Variants in PLXNA2 observed in about 807,000 individuals in gnomAD.
PLXNA2 encodes plexin-A2.
In PLXNA2, 91 loss-of-function variants were observed where a neutral mutation model predicts 193.5. The observed-to-expected ratio is 0.47, with a 90% confidence interval of 0.40 to 0.56. The LOEUF (loss-of-function observed/expected upper bound fraction) is 0.56. Among genes scored for constraint, PLXNA2 ranks in the 20% least tolerant of loss-of-function variants. The pLI is 0.00. For synonymous variants in PLXNA2, 997 were observed against 1,027.3 expected (o/e 0.97, Z 0.56); for missense variants, 1,995 against 2,503.2 (o/e 0.80, Z 4.33).
At chr1:208,098,707 T>C (rs1666997092) in intron 6 of PLXNA2, 139 bp downstream of exon 6, 1 of 956,038 alleles carries the variant, frequency 1.0e-6, no homozygotes, top group Non-Finnish European at 1.5e-6. Flanking sequence ...TGCCATACGT[T>C]TGCTATAAAC....
At chr1:208,211,680 G>C (rs1317322230) in intron 2 of PLXNA2, among the ~76,000 whole-genome samples, 1 of 138,602 alleles carries the variant, frequency 7.2e-6, no homozygotes, top group Non-Finnish European at 1.6e-5. Flanking sequence ...GCGGCAGAAC[G>C]AGACTCCGTC....
rs1357924803 is a variant in PLXNA2, at chr1:208,042,385, G to T, written c.4018-19C>A. The T allele has an allele frequency of 1.9e-6, 3 of 1,608,612 alleles. No homozygotes were observed. The Admixed American group carries it at 5.0e-5, about 27-fold the overall frequency. On this transcript the variant is annotated intron_variant, in intron 21 of 31. Transcript: ENST00000367033. Reference sequence around the variant, plus strand: ...CTTGTACCTGGGGTGGGGTGTGGTGGAGGCGACGCCCTCAGAGGACAGGCA... The same window carrying T: ...CTTGTACCTGGGGTGGGGTGTGGTGTAGGCGACGCCCTCAGAGGACAGGCA...
intron 29 of PLXNA2, chr1:208,031,017 C>A (rs968286102): frequency 5.1e-6 from 5 of 987,614 alleles, no homozygotes; most frequent in Admixed American, 1.2e-4. Flanking sequence ...AAAGCTATGG[C>A]GCCAGGATAA....
At chr1:208,177,303 G>A (rs1669688176) in intron 3 of PLXNA2, among the ~76,000 whole-genome samples, 1 of 152,092 alleles carries the variant, frequency 6.6e-6, no homozygotes, top group East Asian at 1.9e-4. Flanking sequence ...TCACCAAGCA[G>A]AGGACTGATT....
intron 3 of PLXNA2, among the ~76,000 whole-genome samples, chr1:208,159,396 C>T (rs75714319): frequency 0.018 from 2,756 of 152,310 alleles, 92 homozygotes; most frequent in African/African-American, 0.06. Context: ...GCACACAACT[C>T]CCTCAAAATC....
Position 208,082,889 on chromosome 1 carries a change from T to G in PLXNA2, c.2299-381A>C, listed in dbSNP as rs1666392172. ...CTTCTAGCCCAGCTCAGCTCTACTT[T>G]CCCCAGGAGTCCTCTCCCACAACCC... On this transcript the variant is annotated intron_variant, in intron 10 of 31. Transcript: ENST00000367033. This position sits in a 1 kb window ranked among gnomAD's most constrained non-coding sequence, Gnocchi z 4.2. Among the ~76,000 whole-genome samples the G allele has an allele frequency of 6.6e-6, 1 of 152,130 alleles. No individual in the cohort carries two copies. Among genetic ancestry groups the G allele is most frequent in the Admixed American group, 6.5e-5 (1 of 15,270 alleles).
At chr1:208,079,231 T>G (rs1666252488) in intron 12 of PLXNA2, 29 bp downstream of exon 12, 2 of 1,577,756 alleles carry the variant, frequency 1.3e-6, no homozygotes, top group African/African-American at 2.7e-5. Context: ...TGGCCACCCC[T>G]TCCTGCTCTA....
At chr1:208,216,585 T>G in intron 2 of PLXNA2, 150 bp downstream of exon 2, 14 of 804,192 alleles carry the variant, frequency 1.7e-5, no homozygotes, top group Non-Finnish European at 2.5e-5. Flanking sequence ...AGACCCTGCG[T>G]TATTGGTTAC....
chr1:208,182,226 A>G (rs1340415011), intron 3 of PLXNA2, among the ~76,000 whole-genome samples: 1 of 152,150 alleles, frequency 6.6e-6, no homozygotes, highest in Non-Finnish European at 1.5e-5. Flanking sequence ...CAAGGTCAGG[A>G]GTTCGAGACC....
intron 22 of PLXNA2, among the ~76,000 whole-genome samples, chr1:208,041,257 A>G (rs1356188077): frequency 2.0e-5 from 3 of 152,182 alleles, no homozygotes; most frequent in Admixed American, 1.3e-4. Flanking sequence ...AGACCTTGCT[A>G]GAGGAAGGCT....
At chr1:208,040,140 C>T in intron 22 of PLXNA2, 82 bp from the exon 23 acceptor site, 1 of 1,127,294 alleles carries the variant, frequency 8.9e-7, no homozygotes, top group Non-Finnish European at 1.3e-6. Flanking sequence ...TGAGGTCTCC[C>T]AAGAGAACAA....
At chr1:208,149,873 A>G (rs1015522782) in intron 3 of PLXNA2, among the ~76,000 whole-genome samples, 2 of 152,136 alleles carry the variant, frequency 1.3e-5, no homozygotes, top group Non-Finnish European at 2.9e-5. Context: ...TCACATACGC[A>G]TTCAACAGCA....
At chr1:208,148,459 G>A (rs1357360743) in intron 3 of PLXNA2, among the ~76,000 whole-genome samples, 1 of 152,208 alleles carries the variant, frequency 6.6e-6, no homozygotes, top group Admixed American at 6.5e-5. Flanking sequence ...CTTCAGGCAA[G>A]TCATTTCACT....
At position 208,033,431 on chromosome 1, in the gene PLXNA2, C is replaced by T; in HGVS notation, c.4943G>A (p.Gly1648Glu). 6.2e-7 allele frequency: 1 copy of T among 1,614,148 alleles called. No homozygotes were observed. Among genetic ancestry groups the T allele is most frequent in the Non-Finnish European group, 8.5e-7 (1 of 1,180,024 alleles). Residue 1648 changes from glycine to glutamate, a missense_variant, in exon 28 of 32, where the codon GGG becomes GAG. Around this residue, in one of 3 missense-constraint regions of PLXNA2, gnomAD observed 1,291 missense variants for 1,673.6 expected, o/e 0.77. Coordinates refer to ENST00000367033, the MANE Select transcript of PLXNA2 (RefSeq NM_025179.4). ...APMITPDLES[G>E]VKVWHLVKNH... ...CTTCACCAGATGCCACACCTTGACC[C>T]CACTTTCCAGGTCTGGGGTGATCAT... is the stretch of plus-strand genomic sequence containing the variant.
intron 7 of PLXNA2, 106 bp from the exon 8 acceptor site, chr1:208,096,231 T>C (rs1339240645): frequency 7.1e-6 from 6 of 839,914 alleles, no homozygotes; most frequent in Non-Finnish European, 1.2e-5. Context: ...AGGGCTCTCT[T>C]AGGATGTAGA....
intron 4 of PLXNA2, among the ~76,000 whole-genome samples, chr1:208,106,159 C>G (rs1424759974): frequency 1.3e-5 from 2 of 150,676 alleles, no homozygotes; most frequent in Admixed American, 6.6e-5. Context: ...TGGTCTAAAA[C>G]TTGAATTATT....
At chr1:208,062,473 T>C (rs1002238421) in intron 12 of PLXNA2, among the ~76,000 whole-genome samples, 1 of 152,156 alleles carries the variant, frequency 6.6e-6, no homozygotes, top group African/African-American at 2.4e-5. Context: ...TCTCGGCAAG[T>C]TGGCTGCAGA....
At chr1:208,172,413 C>T (rs1669524965) in intron 3 of PLXNA2, among the ~76,000 whole-genome samples, 1 of 152,088 alleles carries the variant, frequency 6.6e-6, no homozygotes, top group South Asian at 2.1e-4. Flanking sequence ...AAAACAACTC[C>T]TAAGTACTTC....
At chr1:208,085,316 C>T (rs1023787932) in intron 9 of PLXNA2, among the ~76,000 whole-genome samples, 2 of 152,220 alleles carry the variant, frequency 1.3e-5, no homozygotes, top group East Asian at 1.9e-4. Flanking sequence ...TTCTCCTTCT[C>T]TCCTCGGGCA....
Sources: allele counts gnomAD v4.1 joint callset (sites outside exome capture counted in the v4.1 genomes callset), GRCh38; gene constraint gnomAD v4.1.1; regional missense constraint gnomAD v4.1.1; non-coding constraint Gnocchi (gnomAD v3.1); transcripts MANE v1.5; gene names NCBI Gene and HGNC (gene_info 2026-07-23, HGNC 2026-07-21).